Variants in PACSIN2 observed in about 807,000 individuals in gnomAD.
PACSIN2 encodes the protein protein kinase C and casein kinase substrate in neurons 2, also known as protein kinase C and casein kinase substrate in neurons protein 2.
PACSIN2 carries 25 observed loss-of-function variants against 63.8 expected under a neutral mutation model. The ratio of observed to expected loss-of-function variants is 0.39; its 90% CI spans 0.29 to 0.55. The LOEUF is 0.55. Among genes scored for constraint, PACSIN2 ranks in the 20% least tolerant of loss-of-function variants. The probability of loss-of-function intolerance (pLI) is 0.62; values close to 1 mark genes in which losing one functional copy is unlikely to be tolerated. For missense variants in PACSIN2, 518 were observed against 646.9 expected (o/e 0.80, Z 2.16); for synonymous variants, 255 against 256.2 (o/e 1.00, Z 0.05).
chr22:42,908,043 C>G (rs945467382), intron 2 of PACSIN2, among the ~76,000 whole-genome samples: 4 of 151,752 alleles, frequency 2.6e-5, no homozygotes, highest in Non-Finnish European at 4.4e-5. Flanking sequence ...GGCTAACATT[C>G]CCAGAATATT....
chr22:42,953,690 C>G (rs952175638), intron 1 of PACSIN2, among the ~76,000 whole-genome samples: 7 of 152,158 alleles, frequency 4.6e-5, no homozygotes, highest in Admixed American at 1.3e-4. Flanking sequence ...GAAACTAAAA[C>G]TCCGAGAGGT....
intron 7 of PACSIN2, among the ~76,000 whole-genome samples, chr22:42,881,174 CAT>C (rs1483056620): frequency 6.6e-6 from 1 of 152,180 alleles, no homozygotes; most frequent in African/African-American, 2.4e-5. Flanking sequence ...TGTTAAGGGC[CAT>C]AAAAGAAGTG....
intron 2 of PACSIN2, among the ~76,000 whole-genome samples, chr22:42,897,252 A>G (rs1930354753): frequency 6.6e-6 from 1 of 152,204 alleles, no homozygotes; most frequent in Non-Finnish European, 1.5e-5. Context: ...CCTTTTTAAT[A>G]TATTTTTTAA....
chr22:42,901,469 C>G (rs1232511839), intron 2 of PACSIN2, among the ~76,000 whole-genome samples: 1 of 152,216 alleles, frequency 6.6e-6, no homozygotes, highest in Non-Finnish European at 1.5e-5. Flanking sequence ...TTCCCTTCAC[C>G]TGCTCTCATG....
chr22:42,940,349 T>C (rs775664132), intron 1 of PACSIN2, among the ~76,000 whole-genome samples: 12 of 152,236 alleles, frequency 7.9e-5, no homozygotes, highest in Non-Finnish European at 1.8e-4. Context: ...TCTTCATCTC[T>C]GAATCTCAGA....
chr22:42,935,942 G>C (rs1484099625), intron 1 of PACSIN2, among the ~76,000 whole-genome samples: 2 of 152,062 alleles, frequency 1.3e-5, no homozygotes, highest in African/African-American at 4.8e-5. Context: ...AGCAGGGCAC[G>C]GTGGCTCACG....
At chr22:42,968,496 G>C (rs1921010460) in intron 1 of PACSIN2, among the ~76,000 whole-genome samples, 1 of 152,122 alleles carries the variant, frequency 6.6e-6, no homozygotes, top group African/African-American at 2.4e-5. Flanking sequence ...CCTTATTCGA[G>C]ATTTTCAATA....
At chr22:42,876,750 G>A (rs1297598503) in intron 9 of PACSIN2, 138 bp downstream of exon 9, 1 of 1,061,402 alleles carries the variant, frequency 9.4e-7, no homozygotes, top group Non-Finnish European at 1.4e-6. Context: ...AGTGGGCCAG[G>A]GTGCGGCACG....
chr22:42,971,945 C>G (rs1371820172), intron 1 of PACSIN2, among the ~76,000 whole-genome samples: 3 of 149,478 alleles, frequency 2.0e-5, no homozygotes, highest in African/African-American at 4.9e-5. Context: ...GGTGCCTCTG[C>G]CCGGCCGCCC....
chr22:42,951,025 A>C (rs1933667626), intron 1 of PACSIN2, among the ~76,000 whole-genome samples: 1 of 152,080 alleles, frequency 6.6e-6, no homozygotes, highest in African/African-American at 2.4e-5. Context: ...GGTTGTCCTG[A>C]GTCTTGAATG....
intron 1 of PACSIN2, among the ~76,000 whole-genome samples, chr22:42,960,361 C>T (rs1007363624): frequency 5.3e-5 from 8 of 152,136 alleles, no homozygotes; most frequent in Non-Finnish European, 1.2e-4. Context: ...CAAGGCAATG[C>T]CTGTCAGCAG....
rs971872162 is a variant in PACSIN2, at chr22:42,955,852, C to T, written c.-77-43695G>A. ...GGTGATCAGTCTACTACGCCCTGTGCTATTTTTTCTTCATGTGTCAGTTCA... is the reference window on the plus strand; with the variant it reads ...GGTGATCAGTCTACTACGCCCTGTGTTATTTTTTCTTCATGTGTCAGTTCA... On this transcript the variant is annotated intron_variant, in intron 1 of 10. Coordinates refer to ENST00000263246, the MANE Select transcript of PACSIN2 (RefSeq NM_001184970.3). 1.6e-4 allele frequency among the ~76,000 whole-genome samples: 25 copies of T among 152,304 alleles called. No homozygotes were observed. The East Asian group carries it at 4.4e-3, about 27-fold the overall frequency.
rs898985902 is a variant in PACSIN2, at chr22:43,009,865, A to ATTTTTTTTT, written c.-78+5147_-78+5155dup. ...GTTGAGACATCATTTTATTTTTTCT[A>ATTTTTTTTT]TTTTTTTTTTTTTTTTTTTTTGAGA... On this transcript the variant is annotated intron_variant, in intron 1 of 10. Coordinates refer to ENST00000263246, the MANE Select transcript of PACSIN2 (RefSeq NM_001184970.3). Among the ~76,000 whole-genome samples the ATTTTTTTTT allele has an allele frequency of 9.3e-5, 7 of 75,652 alleles. 1 individual carries two copies. Among genetic ancestry groups the ATTTTTTTTT allele is most frequent in the Non-Finnish European group, 1.5e-4 (4 of 26,220 alleles). The allele number at this position is 75,652 out of a possible 152,430, so 49.6% of individuals were successfully genotyped here.
intron 8 of PACSIN2, among the ~76,000 whole-genome samples, chr22:42,878,485 T>C (rs1928817792): frequency 6.6e-6 from 1 of 152,208 alleles, no homozygotes; most frequent in East Asian, 1.9e-4. Flanking sequence ...TCCAGAAGGT[T>C]CTAATGACCA....
intron 1 of PACSIN2, among the ~76,000 whole-genome samples, chr22:43,007,012 G>A (rs28548889): frequency 3.6e-3 from 543 of 152,216 alleles, no homozygotes; most frequent in Non-Finnish European, 6.4e-3. Context: ...GGTGACCTTT[G>A]TGAAATTGAG....
chr22:42,883,837 C>T (rs1439549194), intron 6 of PACSIN2, among the ~76,000 whole-genome samples: 1 of 152,146 alleles, frequency 6.6e-6, no homozygotes, highest in Non-Finnish European at 1.5e-5. Context: ...AACCCCATCT[C>T]TACTAAAAAT....
intron 1 of PACSIN2, among the ~76,000 whole-genome samples, chr22:42,963,713 T>C (rs1920931790): frequency 6.6e-6 from 1 of 152,152 alleles, no homozygotes; most frequent in Non-Finnish European, 1.5e-5. Context: ...AGAATGGGAT[T>C]CAGTCAGGTC....
intron 1 of PACSIN2, among the ~76,000 whole-genome samples, chr22:42,996,432 T>TGA (rs1315939902): frequency 6.7e-6 from 1 of 149,924 alleles, no homozygotes; most frequent in East Asian, 2.0e-4. Context: ...CTGGGAAGGC[T>TGA]GAGGCAGGAG....
At chr22:42,943,220 A>G (rs992860387) in intron 1 of PACSIN2, among the ~76,000 whole-genome samples, 1 of 152,148 alleles carries the variant, frequency 6.6e-6, no homozygotes, top group East Asian at 1.9e-4. Context: ...AAATATCGTT[A>G]TTTTTGTATA....
Sources: gnomAD v4.1 joint callset for allele counts (sites outside exome capture counted in the v4.1 genomes callset) on GRCh38, gnomAD v4.1.1 for gene constraint, MANE v1.5 for transcripts, NCBI Gene and HGNC (gene_info 2026-07-23, HGNC 2026-07-21) for gene names.